TBC1D19: variants seen among roughly 807,000 people sequenced by gnomAD.
TBC1D19 encodes the protein TBC1 domain family, member 19.
In TBC1D19, 60 loss-of-function variants were observed where a neutral mutation model predicts 89.0. The observed-to-expected ratio is 0.67, with a 90% CI of 0.55 to 0.84. The LOEUF is 0.84. Ranked by LOEUF, TBC1D19 falls within the 40% of genes least tolerant of loss-of-function variation. The pLI, the probability that TBC1D19 is intolerant of heterozygous loss-of-function variation, is 0.00. For missense variants in TBC1D19, 500 were observed against 610.8 expected (o/e 0.82, Z 1.91); for synonymous variants, 189 against 199.7 (o/e 0.95, Z 0.45).
At chr4:26,717,671 GA>G (rs1716715018) in intron 13 of TBC1D19, among the ~76,000 whole-genome samples, 2 of 152,030 alleles carry the variant, frequency 1.3e-5, no homozygotes, top group South Asian at 2.1e-4. Flanking sequence ...TGTCCAGATA[GA>G]AAACACAAGA....
chr4:26,765,622 G>A, the TBC1D19 span, among the ~76,000 whole-genome samples: 1 of 152,152 alleles, frequency 6.6e-6, no homozygotes, highest in Non-Finnish European at 1.5e-5. Flanking sequence ...AGGTGACTGA[G>A]CAATAAACTT....
At chr4:26,598,257 T>C (rs1296768971) in intron 1 of TBC1D19, among the ~76,000 whole-genome samples, 1 of 152,226 alleles carries the variant, frequency 6.6e-6, no homozygotes, top group Non-Finnish European at 1.5e-5. Context: ...TTTTAAATTA[T>C]AGAAAGGTAA....
chr4:26,642,970 C>CAAT (rs1384984782), intron 7 of TBC1D19, among the ~76,000 whole-genome samples: 1 of 151,838 alleles, frequency 6.6e-6, no homozygotes, highest in Non-Finnish European at 1.5e-5. Flanking sequence ...GACTCCCACA[C>CAAT]AATAATGGGA....
At chr4:26,654,626 T>G (rs1735591904) in intron 7 of TBC1D19, among the ~76,000 whole-genome samples, 1 of 152,228 alleles carries the variant, frequency 6.6e-6, no homozygotes, top group Non-Finnish European at 1.5e-5. Flanking sequence ...TTCATTCATT[T>G]GATCTTCCAT....
chr4:26,735,767 G>A (rs113145787), intron 16 of TBC1D19, among the ~76,000 whole-genome samples: 2,125 of 152,202 alleles, frequency 0.014, 54 homozygotes, highest in African/African-American at 0.049. Flanking sequence ...TAGTCCAGGC[G>A]TGGTGGCTCA....
At chr4:26,668,045 C>T (rs1031544235) in intron 9 of TBC1D19, among the ~76,000 whole-genome samples, 7 of 151,928 alleles carry the variant, frequency 4.6e-5, no homozygotes, top group Non-Finnish European at 8.8e-5. Context: ...GGTCACAAAA[C>T]TAGTAAGTGG....
downstream of TBC1D19, among the ~76,000 whole-genome samples, chr4:26,759,342 G>T (rs1204235665): frequency 1.3e-5 from 2 of 152,100 alleles, no homozygotes; most frequent in African/African-American, 2.4e-5. Flanking sequence ...ACTGATAAAG[G>T]AATTTGCGGA....
chr4:26,597,241 G>C (rs569057144), intron 1 of TBC1D19, among the ~76,000 whole-genome samples: 3 of 152,024 alleles, frequency 2.0e-5, no homozygotes, highest in East Asian at 1.9e-4. Flanking sequence ...GTATTTAAAG[G>C]CTATTTTTAG....
downstream of TBC1D19, among the ~76,000 whole-genome samples, chr4:26,757,045 G>T (rs1390894708): frequency 6.6e-6 from 1 of 151,142 alleles, no homozygotes; most frequent in African/African-American, 2.4e-5. Flanking sequence ...ACGCAGTCTG[G>T]CTCTGTCACC....
intron 13 of TBC1D19, among the ~76,000 whole-genome samples, chr4:26,701,434 C>T (rs181250931): frequency 4.7e-4 from 71 of 152,178 alleles, no homozygotes; most frequent in African/African-American, 1.6e-3. Flanking sequence ...TTATAATTGT[C>T]TCTCCCGGGT....
At chr4:26,640,885 A>T (rs1021263037) in intron 7 of TBC1D19, among the ~76,000 whole-genome samples, 3 of 152,246 alleles carry the variant, frequency 2.0e-5, no homozygotes, top group Non-Finnish European at 4.4e-5. Flanking sequence ...GTAGGTAAAC[A>T]AAGTGGCGGG....
At chr4:26,833,101 C>T in the TBC1D19 span, among the ~76,000 whole-genome samples, 6 of 152,168 alleles carry the variant, frequency 3.9e-5, no homozygotes, top group Non-Finnish European at 5.9e-5. Context: ...GCTCTGCCCA[C>T]TGCCATCAAG....
chr4:26,597,681 A>T (rs555001952), intron 1 of TBC1D19, among the ~76,000 whole-genome samples: 3 of 151,362 alleles, frequency 2.0e-5, no homozygotes, highest in Non-Finnish European at 4.4e-5. Flanking sequence ...TTTTTTAAAT[A>T]GTCTTTTAAT....
chr4:26,833,140 C>G, the TBC1D19 span, among the ~76,000 whole-genome samples: 1 of 152,170 alleles, frequency 6.6e-6, no homozygotes, highest in South Asian at 2.1e-4. Flanking sequence ...CAGACACACA[C>G]ACAGACAAGC....
chr4:26,732,716 T>C (rs1717739775), intron 15 of TBC1D19, among the ~76,000 whole-genome samples: 1 of 152,234 alleles, frequency 6.6e-6, no homozygotes, highest in African/African-American at 2.4e-5. Context: ...AAAGCCATTC[T>C]TAGCTCACAG....
chr4:26,717,677 A>G (rs150310460), intron 13 of TBC1D19, among the ~76,000 whole-genome samples: 6 of 152,200 alleles, frequency 3.9e-5, no homozygotes, highest in African/African-American at 1.4e-4. Flanking sequence ...GATAGAAAAC[A>G]CAAGAGAAGA....
At chr4:26,793,282 A>C in the TBC1D19 span, among the ~76,000 whole-genome samples, 1 of 152,210 alleles carries the variant, frequency 6.6e-6, no homozygotes, top group Non-Finnish European at 1.5e-5. Flanking sequence ...GGTCTGTGTC[A>C]GTCAAAATTC....
chr4:26,698,471 C>T (rs1214787583), intron 13 of TBC1D19, among the ~76,000 whole-genome samples: 1 of 152,204 alleles, frequency 6.6e-6, no homozygotes, highest in African/African-American at 2.4e-5. Flanking sequence ...CCACCCCCAT[C>T]AAGCTACCAC....
At position 26,649,883 on chromosome 4, in the gene TBC1D19, C is replaced by A. The variant is rs1234915643; in HGVS notation, c.480+9696C>A. Among the ~76,000 whole-genome samples, 5 of 152,180 alleles carry A rather than the reference C, an allele frequency of 3.3e-5. No homozygotes were observed. In the East Asian group the frequency reaches 9.6e-4, roughly 29 times the overall value. ...CCCTCTCCCCCAACCCCACAACAGG[C>A]CCCAGTGTGTGATATTCTCCTTCCT... On this transcript the variant is annotated intron_variant, in intron 7 of 20. Coordinates refer to ENST00000264866, the MANE Select transcript of TBC1D19 (RefSeq NM_018317.4).
Sources: allele counts gnomAD v4.1 joint callset (sites outside exome capture counted in the v4.1 genomes callset), GRCh38; gene constraint gnomAD v4.1.1; transcripts MANE v1.5; gene names NCBI Gene and HGNC (gene_info 2026-07-23, HGNC 2026-07-21).